The following IGLL5 variants were observed in gnomAD, a reference collection of about 807,000 sequenced individuals.
IGLL5 encodes the protein immunoglobulin lambda like polypeptide 5.
Under a neutral mutation model 20.9 loss-of-function variants are expected in IGLL5, and 30 were observed. The ratio of observed to expected loss-of-function variants is 1.44; its 90% CI spans 1.07 to 1.95. The LOEUF (loss-of-function observed/expected upper bound fraction) is 1.95, where lower values mean the gene tolerates loss of function less well. Ranked by LOEUF, IGLL5 falls within the 30% of genes most tolerant of loss-of-function variation. The probability of loss-of-function intolerance (pLI) is 0.00; values close to 1 mark genes in which losing one functional copy is unlikely to be tolerated. For missense variants in IGLL5, 475 were observed against 270.7 expected, an observed-to-expected ratio of 1.75 and a Z score of -5.30; for synonymous variants, 203 against 117.3, an observed-to-expected ratio of 1.73 and a Z score of -4.72.
intron 1 of IGLL5, among the ~76,000 whole-genome samples, 167 bp downstream of exon 1, chr22:22,888,426 T>C (rs528392045): frequency 6.6e-6 from 1 of 151,506 alleles, no homozygotes. Flanking sequence ...ATCACAGATT[T>C]GTTTGAATTA....
chr22:22,888,425 T>A (rs559175228), intron 1 of IGLL5, among the ~76,000 whole-genome samples, 166 bp downstream of exon 1: 4 of 151,450 alleles, frequency 2.6e-5, no homozygotes, highest in East Asian at 4.0e-4. Context: ...CATCACAGAT[T>A]TGTTTGAATT....
intron 1 of IGLL5, among the ~76,000 whole-genome samples, chr22:22,889,255 A>C (rs910255873): frequency 6.6e-6 from 1 of 151,180 alleles, no homozygotes; most frequent in African/African-American, 2.4e-5. Context: ...CAGAGCACCC[A>C]GGGGCCCAGT....
intron 2 of IGLL5, among the ~76,000 whole-genome samples, chr22:22,895,016 G>C (rs538301719): frequency 2.6e-5 from 4 of 151,472 alleles, no homozygotes; most frequent in South Asian, 4.2e-4. Context: ...ATGGAGGGGG[G>C]TATAGGGATG....
intron 1 of IGLL5, among the ~76,000 whole-genome samples, chr22:22,889,068 G>C (rs2067681955): frequency 1.3e-5 from 2 of 151,344 alleles, no homozygotes; most frequent in Admixed American, 6.6e-5. Flanking sequence ...TCCTTGGATG[G>C]ATTTAGGTAG....
intron 1 of IGLL5, among the ~76,000 whole-genome samples, chr22:22,889,540 C>A (rs2067730981): frequency 6.6e-6 from 1 of 151,060 alleles, no homozygotes; most frequent in African/African-American, 2.4e-5. Flanking sequence ...GGAAAAAATC[C>A]AAATATCTAC....
intron 1 of IGLL5, 139 bp downstream of exon 1, chr22:22,888,398 T>C (rs534280163): frequency 1.6e-5 from 11 of 668,972 alleles, no homozygotes; most frequent in East Asian, 2.8e-5. Flanking sequence ...GCTTTAGTAA[T>C]GGGTTGATAT....
chr22:22,889,166 A>C (rs2071788042), intron 1 of IGLL5, among the ~76,000 whole-genome samples: 1 of 150,852 alleles, frequency 6.6e-6, no homozygotes, highest in East Asian at 2.0e-4. Flanking sequence ...GAGGGAGGAG[A>C]GGGGGTGATG....
intron 1 of IGLL5, among the ~76,000 whole-genome samples, chr22:22,893,154 T>C (rs2067900550): frequency 6.6e-6 from 1 of 150,910 alleles, no homozygotes; most frequent in Non-Finnish European, 1.5e-5. Flanking sequence ...GATGGAAGGA[T>C]GATAGATTGA....
chr22:22,888,522 T>G (rs1601601696), intron 1 of IGLL5, among the ~76,000 whole-genome samples: 4 of 151,404 alleles, frequency 2.6e-5, no homozygotes, highest in Middle Eastern at 3.7e-3. Flanking sequence ...GGTCAGTGCC[T>G]CAATCACCTA....
At chr22:22,894,162 G>A (rs530064564) in intron 2 of IGLL5, among the ~76,000 whole-genome samples, 1 of 151,538 alleles carries the variant, frequency 6.6e-6, no homozygotes, top group African/African-American at 2.4e-5. Flanking sequence ...AGTGACTCCT[G>A]GGGTCAAGGA....
intron 1 of IGLL5, among the ~76,000 whole-genome samples, chr22:22,890,093 T>C (rs1485033607): frequency 6.6e-6 from 1 of 150,624 alleles, no homozygotes; most frequent in Non-Finnish European, 1.5e-5. Context: ...AATGTACTCA[T>C]GTGCATTACT....
At chr22:22,895,324 A>G in intron 2 of IGLL5, 51 bp from the exon 3 acceptor site, 1 of 1,540,414 alleles carries the variant, frequency 6.5e-7, no homozygotes, top group Admixed American at 1.7e-5. Flanking sequence ...GGGCTCCACA[A>G]CACCCCGGTA....
Position 22,888,115 on chromosome 22 carries a change from G to A in IGLL5, c.62G>A (p.Arg21Lys), listed in dbSNP as rs773694665. Residue 21 changes from arginine (R) to lysine (K), a missense_variant, in exon 1 of 3, where the codon AGG (arginine) becomes AAG (lysine). Physicochemically the swap from Arg to Lys is conservative, Grantham distance 26. Transcript: ENST00000526893. ...CCTGAGGAGCTGGGCCCTGGTCCCA[G>A]GCAGCGCTGGCCCCTGCTGCTGCTG... ...ETPEELGPGP[R>K]QRWPLLLLGL... is the part of the protein sequence containing the mutation. The A allele has an allele frequency of 1.3e-6, 2 of 1,549,560 alleles. No homozygotes were observed. The highest frequency in any genetic ancestry group is 1.7e-6 in the Non-Finnish European group (2 of 1,146,724).
chr22:22,895,374 G>C lies in IGLL5; in HGVS notation c.326-1G>C. ...TCTCACCCCCTTCCCTGTCCACACA[G>C]GTCAGCCCAAGGCCAACCCCACTGT... On this transcript the variant is annotated splice_acceptor_variant, in intron 2 of 2. Transcript: ENST00000526893. LOFTEE classifies it high-confidence loss of function. The C allele has an allele frequency of 6.2e-7, 1 of 1,612,592 alleles. No homozygotes were observed. The highest frequency in any genetic ancestry group is 8.5e-7 in the Non-Finnish European group (1 of 1,179,398).
At position 22,888,781 on chromosome 22, in the gene IGLL5, C is replaced by T. The variant is rs141638508; in HGVS notation, c.206+522C>T. Among the ~76,000 whole-genome samples, 6 of 151,400 alleles carry T rather than the reference C, an allele frequency of 4.0e-5. 1 individual carries two copies. The highest frequency in any genetic ancestry group is 7.5e-3 in the Middle Eastern group (2 of 268). On this transcript the variant is annotated intron_variant, in intron 1 of 2. Transcript: ENST00000526893. ...CTTACTGGGGCCAGGCTCAAGGACA[C>T]AGGGAGGGTGGGATGAACCGAGGGG...
chr22:22,893,698 A>G lies in IGLL5; in HGVS notation c.207-2A>G. On this transcript the variant is annotated splice_acceptor_variant, in intron 1 of 2. Coordinates refer to ENST00000526893, the MANE Select transcript of IGLL5 (RefSeq NM_001178126.2). LOFTEE classifies it high-confidence loss of function. ...CAACCCTGTGCCCGTCATGCCCAGC[A>G]GGCTCCTGCTCCAGCCCAGCCCCCA... The G allele has an allele frequency of 6.3e-7, 1 of 1,599,018 alleles. No homozygotes were observed. The highest frequency in any genetic ancestry group is 8.5e-7 in the Non-Finnish European group (1 of 1,170,910).
intron 2 of IGLL5, among the ~76,000 whole-genome samples, chr22:22,894,031 G>A (rs28611253): frequency 0.19 from 28,895 of 151,302 alleles, 3,036 homozygotes; most frequent in Non-Finnish European, 0.22. Flanking sequence ...GCCTGGTCCC[G>A]GGGCCTGAGC....
intron 2 of IGLL5, among the ~76,000 whole-genome samples, chr22:22,894,083 A>C (rs558378819): frequency 2.0e-5 from 3 of 151,452 alleles, no homozygotes; most frequent in East Asian, 2.0e-4. Context: ...CTTCCAGGGC[A>C]GATGTCTGAG....
chr22:22,889,234 A>C (rs2067699046), intron 1 of IGLL5, among the ~76,000 whole-genome samples: 1 of 150,986 alleles, frequency 6.6e-6, no homozygotes, highest in Admixed American at 6.6e-5. Context: ...GATGGGGAGG[A>C]CACTCAGATT....
Sources: gnomAD v4.1 joint callset for allele counts (sites outside exome capture counted in the v4.1 genomes callset) on GRCh38, gnomAD v4.1.1 for gene constraint, MANE v1.5 for transcripts, NCBI Gene and HGNC (gene_info 2026-07-23, HGNC 2026-07-21) for gene names.